GPHN: variants seen among roughly 807,000 people sequenced by gnomAD.
The protein encoded by GPHN is gephyrin.
Under a neutral mutation model 95.5 loss-of-function variants are expected in GPHN, and 17 were observed. That is an observed-to-expected ratio of 0.18 (90% CI 0.12 to 0.27). The LOEUF (loss-of-function observed/expected upper bound fraction) is 0.27. Ranked by LOEUF, GPHN falls within the 10% of genes least tolerant of loss-of-function variation. The pLI is 1.00. For missense variants in GPHN, 660 were observed against 978.1 expected, an observed-to-expected ratio of 0.67 and a Z score of 4.34; for synonymous variants, 320 against 322.5, an observed-to-expected ratio of 0.99 and a Z score of 0.08.
chr14:67,013,032 C>T (rs1264206544), intron 9 of GPHN, among the ~76,000 whole-genome samples: 2 of 151,756 alleles, frequency 1.3e-5, no homozygotes, highest in African/African-American at 4.8e-5. Flanking sequence ...ATGTAAATTC[C>T]AAGATAGCAA....
intron 4 of GPHN, among the ~76,000 whole-genome samples, chr14:66,870,656 CA>C (rs1189466322): frequency 6.6e-6 from 1 of 152,056 alleles, no homozygotes; most frequent in African/African-American, 2.4e-5. Context: ...AAGAGTAGGA[CA>C]GAGAAAAATC....
At chr14:67,429,270 G>A in the GPHN span, among the ~76,000 whole-genome samples, 9 of 147,634 alleles carry the variant, frequency 6.1e-5, no homozygotes, top group South Asian at 6.5e-4. Context: ...TCACACTGTC[G>A]CCCAGGCTGG....
chr14:67,421,703 T>C, the GPHN span, among the ~76,000 whole-genome samples: 1 of 152,132 alleles, frequency 6.6e-6, no homozygotes, highest in Non-Finnish European at 1.5e-5. Flanking sequence ...TTCGGAGCCA[T>C]TGGTAAGAGC....
Position 66,932,444 on chromosome 14 carries a change from G to GTTTTTT in GPHN, c.828+8183_828+8188dup, listed in dbSNP as rs35159325. Among the ~76,000 whole-genome samples, 233 of 24,382 alleles carry GTTTTTT rather than the reference G, an allele frequency of 9.6e-3. 79 individuals are homozygous for GTTTTTT. Among genetic ancestry groups the GTTTTTT allele is most frequent in the South Asian group, 0.022 (9 of 412 alleles). The allele number at this position is 24,382 out of a possible 152,430, so 16.0% of individuals were successfully genotyped here. A position where few individuals can be genotyped will look rare whatever the true frequency, so the allele number is the denominator to read the frequency against. On this transcript the variant is annotated intron_variant, in intron 8 of 22. Coordinates refer to ENST00000478722, the MANE Select transcript of GPHN (RefSeq NM_020806.5). The stretch of plus-strand genomic sequence containing the variant: ...AGGTGGGGAATCCTGCCAAGACCAG[G>GTTTTTT]TTTTTTTTTTTTTTTTTTTTTTTTT...
At chr14:67,568,890 T>C in the GPHN span, 1 of 461,910 alleles carries the variant, frequency 2.2e-6, no homozygotes, top group East Asian at 4.1e-5. Context: ...ATATTCCAGG[T>C]GTTAAATGCT....
chr14:67,248,355 T>C, the GPHN span, among the ~76,000 whole-genome samples: 1 of 147,186 alleles, frequency 6.8e-6, no homozygotes, highest in Admixed American at 6.8e-5. Context: ...TCTCTTTTCT[T>C]AAAAAAAAAA....
At chr14:67,735,040 T>C in the GPHN span, among the ~76,000 whole-genome samples, 2 of 152,236 alleles carry the variant, frequency 1.3e-5, no homozygotes, top group Non-Finnish European at 2.9e-5. Flanking sequence ...TATCCCAGAT[T>C]ATTAGATGCA....
At chr14:66,754,039 A>G (rs2058469676) in intron 2 of GPHN, among the ~76,000 whole-genome samples, 1 of 152,056 alleles carries the variant, frequency 6.6e-6, no homozygotes, top group African/African-American at 2.4e-5. Context: ...AGCATGTTTT[A>G]GTAGTTCTTT....
At chr14:67,374,604 G>T in the GPHN span, 1 of 1,213,826 alleles carries the variant, frequency 8.2e-7, no homozygotes, top group East Asian at 2.4e-5. Flanking sequence ...TAAATAATTT[G>T]AAATCTTAAT....
chr14:67,195,138 A>G, the GPHN span, among the ~76,000 whole-genome samples: 1 of 152,382 alleles, frequency 6.6e-6, no homozygotes, highest in South Asian at 2.1e-4. Flanking sequence ...ATAATCCAAA[A>G]GTGTAAAAAT....
chr14:67,215,406 G>GTT, the GPHN span, among the ~76,000 whole-genome samples: 6 of 109,502 alleles, frequency 5.5e-5, no homozygotes, highest in East Asian at 5.6e-4. Flanking sequence ...CTGATCTATT[G>GTT]TTTTTTTTTT....
chr14:67,490,810 T>G, the GPHN span, among the ~76,000 whole-genome samples: 1 of 151,598 alleles, frequency 6.6e-6, no homozygotes, highest in African/African-American at 2.4e-5. Flanking sequence ...ACTCCCCAAA[T>G]CTCCCTGTAA....
the GPHN span, among the ~76,000 whole-genome samples, chr14:67,356,325 G>A: frequency 6.6e-6 from 1 of 151,582 alleles, no homozygotes; most frequent in African/African-American, 2.4e-5. Context: ...GGAGTCTGAG[G>A]CACAAAAATC....
chr14:66,735,752 T>G (rs2072204586), intron 2 of GPHN, among the ~76,000 whole-genome samples: 1 of 152,178 alleles, frequency 6.6e-6, no homozygotes, highest in South Asian at 2.1e-4. Flanking sequence ...TAATAGCATC[T>G]TTCTGGAGAT....
the GPHN span, among the ~76,000 whole-genome samples, chr14:67,357,064 C>T: frequency 1.3e-5 from 2 of 152,188 alleles, no homozygotes; most frequent in Non-Finnish European, 2.9e-5. Context: ...ACTCTAAGAG[C>T]AGCGTGCACA....
chr14:67,519,118 G>T, the GPHN span, among the ~76,000 whole-genome samples: 3 of 152,202 alleles, frequency 2.0e-5, no homozygotes, highest in Non-Finnish European at 2.9e-5. Flanking sequence ...GCCAGCATTT[G>T]AAAATGGGGG....
chr14:67,691,292 T>C, the GPHN span: 17 of 1,344,444 alleles, frequency 1.3e-5, no homozygotes, highest in Non-Finnish European at 1.8e-5. Flanking sequence ...CCAAGGCTAT[T>C]ACATCTTAGA....
the GPHN span, chr14:67,199,303 G>A: frequency 6.2e-7 from 1 of 1,608,360 alleles, no homozygotes; most frequent in Non-Finnish European, 8.5e-7. Flanking sequence ...GACTCTATGG[G>A]AAGCCAATAC....
At chr14:66,909,368 G>A (rs1176271639) in intron 5 of GPHN, among the ~76,000 whole-genome samples, 1 of 151,852 alleles carries the variant, frequency 6.6e-6, no homozygotes, top group African/African-American at 2.4e-5. Context: ...AATGATAGTA[G>A]AAAAAAGGGA....
Sources: gnomAD v4.1 joint callset for allele counts (sites outside exome capture counted in the v4.1 genomes callset) on GRCh38, gnomAD v4.1.1 for gene constraint, MANE v1.5 for transcripts, NCBI Gene and HGNC (gene_info 2026-07-23, HGNC 2026-07-21) for gene names.